FBXL13: variants seen among roughly 807,000 people sequenced by gnomAD.
The protein encoded by FBXL13 is F-box and leucine-rich repeat protein 13.
Under a neutral mutation model 83.6 loss-of-function variants are expected in FBXL13, and 67 were observed. The ratio of observed to expected loss-of-function variants is 0.80; its 90% CI spans 0.66 to 0.98. The LOEUF (loss-of-function observed/expected upper bound fraction) is 0.98. FBXL13 is among the 50% of genes least tolerant of loss of function. The pLI is 0.00. For synonymous variants in FBXL13, 272 were observed against 299.5 expected, an observed-to-expected ratio of 0.91 and a Z score of 0.95; for missense variants, 822 against 866.5, an observed-to-expected ratio of 0.95 and a Z score of 0.64.
In FBXL13 at chr7:102,877,669, T is replaced by C. The variant is rs1237740007; in HGVS notation, c.1509-76A>G. On this transcript the variant is annotated intron_variant, in intron 15 of 19. Transcript: ENST00000313221. ...AAGCAATTTCTTCATATAAAAACTA[T>C]CTTGGGAAAACAAATGGTATTGAAG... 5 of 1,474,492 alleles carry C rather than the reference T, an allele frequency of 3.4e-6. No homozygotes were observed. The East Asian group carries it at 7.3e-5, about 21-fold the overall frequency. 91.3% of individuals were successfully genotyped at this position (1,474,492 alleles called of 1,614,324 possible).
Position 102,991,164 on chromosome 7 carries a change from T to TA in FBXL13, c.496-23048dup, listed in dbSNP as rs1485500996. 8.5e-5 allele frequency among the ~76,000 whole-genome samples: 13 copies of TA among 152,056 alleles called. 1 individual carries two copies. The East Asian group carries it at 2.3e-3, about 27-fold the overall frequency. ...GAAGAAAGAAAGTGAAATTACATGC[T>TA]AAAAAGAAAAAAATATGCAGTAGGG... On this transcript the variant is annotated intron_variant, in intron 6 of 19. Coordinates refer to ENST00000313221, the Ensembl canonical transcript of FBXL13.
At chr7:103,048,149 C>T (rs532087840) in intron 2 of FBXL13, among the ~76,000 whole-genome samples, 4 of 152,148 alleles carry the variant, frequency 2.6e-5, no homozygotes, top group South Asian at 2.1e-4. Flanking sequence ...CCCTCTGTAG[C>T]GTTCCAAAGT....
chr7:102,880,200 T>G (rs977397386), intron 14 of FBXL13, among the ~76,000 whole-genome samples: 2 of 152,264 alleles, frequency 1.3e-5, no homozygotes, highest in East Asian at 1.9e-4. Context: ...TGTCCATGCA[T>G]GATTTTTTAA....
intron 8 of FBXL13, among the ~76,000 whole-genome samples, chr7:102,956,874 A>G (rs560291798): frequency 2.6e-5 from 4 of 152,104 alleles, no homozygotes; most frequent in African/African-American, 7.2e-5. Flanking sequence ...ACTGCTCAAC[A>G]CAATAAAAGA....
At chr7:103,030,361 T>C (rs1032073516) in intron 2 of FBXL13, among the ~76,000 whole-genome samples, 2 of 152,212 alleles carry the variant, frequency 1.3e-5, no homozygotes, top group African/African-American at 2.4e-5. Flanking sequence ...ATGCAAATTA[T>C]GCCTACAGTG....
intron 8 of FBXL13, among the ~76,000 whole-genome samples, chr7:102,941,526 A>C (rs1465594978): frequency 6.6e-6 from 1 of 152,138 alleles, no homozygotes; most frequent in African/African-American, 2.4e-5. Flanking sequence ...GCTCTGCATG[A>C]ATTACTCTTT....
intron 1 of FBXL13, among the ~76,000 whole-genome samples, chr7:103,068,596 A>G (rs1798619763): frequency 6.6e-6 from 1 of 152,230 alleles, no homozygotes. Context: ...CTGACAATGC[A>G]CAGCTGCTTT....
At chr7:102,861,107 A>G (rs1806766198) in intron 16 of FBXL13, among the ~76,000 whole-genome samples, 3 of 152,036 alleles carry the variant, frequency 2.0e-5, no homozygotes, top group African/African-American at 4.8e-5. Flanking sequence ...CTCCTTAGGA[A>G]TAACGACATT....
At chr7:103,044,523 A>G (rs192359126) in intron 2 of FBXL13, among the ~76,000 whole-genome samples, 14 of 152,270 alleles carry the variant, frequency 9.2e-5, no homozygotes, top group Non-Finnish European at 2.1e-4. Context: ...ACACTACAGT[A>G]TAATATAATT....
chr7:102,860,280 T>C (rs1214678553), intron 16 of FBXL13, among the ~76,000 whole-genome samples: 1 of 152,152 alleles, frequency 6.6e-6, no homozygotes, highest in Non-Finnish European at 1.5e-5. Context: ...AAGAGAGCTA[T>C]AGGGACCACA....
intron 17 of FBXL13, 65 bp downstream of exon 18, chr7:102,854,712 G>GA (rs938598727): frequency 1.7e-4 from 166 of 991,302 alleles, no homozygotes; most frequent in South Asian, 1.3e-4. Flanking sequence ...TTATTCATTG[G>GA]AAAAAAAAGA....
chr7:102,863,064 C>T (rs976785557), intron 16 of FBXL13, among the ~76,000 whole-genome samples: 14 of 152,206 alleles, frequency 9.2e-5, no homozygotes, highest in African/African-American at 3.1e-4. Context: ...TAACTCAGCA[C>T]TGTTACTTTC....
chr7:102,965,059 G>A (rs1486420688), intron 7 of FBXL13, among the ~76,000 whole-genome samples: 2 of 152,120 alleles, frequency 1.3e-5, no homozygotes, highest in Non-Finnish European at 2.9e-5. Context: ...TACTGGACCC[G>A]AACCCTTCAT....
intron 6 of FBXL13, among the ~76,000 whole-genome samples, chr7:102,979,029 G>A (rs1349919121): frequency 6.6e-6 from 1 of 152,172 alleles, no homozygotes; most frequent in Non-Finnish European, 1.5e-5. Context: ...ATAAAGATAG[G>A]TAATTTTACC....
intron 8 of FBXL13, among the ~76,000 whole-genome samples, chr7:102,945,330 T>TTTTG (rs957889763): frequency 5.3e-5 from 8 of 152,058 alleles, no homozygotes; most frequent in Admixed American, 1.3e-4. Flanking sequence ...GAGACACCAT[T>TTTTG]TTTGTTTGTT....
intron 11 of FBXL13, among the ~76,000 whole-genome samples, chr7:102,903,397 C>A (rs976441454): frequency 2.6e-5 from 4 of 152,034 alleles, no homozygotes; most frequent in African/African-American, 9.7e-5. Flanking sequence ...AATTTGGATG[C>A]TCTTTATATC....
intron 19 of FBXL13, among the ~76,000 whole-genome samples, chr7:102,820,532 G>C (rs1408943236): frequency 1.3e-5 from 2 of 152,110 alleles, no homozygotes; most frequent in African/African-American, 4.8e-5. Flanking sequence ...GGCAGGATTC[G>C]GATGTTACTG....
intron 6 of FBXL13, among the ~76,000 whole-genome samples, chr7:102,977,329 G>A (rs1049083659): frequency 6.6e-6 from 1 of 152,220 alleles, no homozygotes; most frequent in Non-Finnish European, 1.5e-5. Context: ...TATCAAAACA[G>A]GCTAGCACTA....
chr7:102,944,704 C>T, intron 8 of FBXL13: 1 of 1,062,788 alleles, frequency 9.4e-7, no homozygotes, highest in Non-Finnish European at 1.3e-6. Context: ...CCTATTTATG[C>T]AGGGTAATCC....
Sources: allele counts gnomAD v4.1 joint callset (sites outside exome capture counted in the v4.1 genomes callset), GRCh38; gene constraint gnomAD v4.1.1; transcripts MANE v1.5; gene names NCBI Gene and HGNC (gene_info 2026-07-23, HGNC 2026-07-21).